FDFT1: variants seen among roughly 807,000 people sequenced by gnomAD.
FDFT1 encodes the protein farnesyl-diphosphate farnesyltransferase 1.
In FDFT1, 68 loss-of-function variants were observed where a neutral mutation model predicts 46.8. The observed-to-expected ratio is 1.45, with a 90% CI of 1.19 to 1.78. The LOEUF is 1.78. FDFT1 is among the 40% of genes most tolerant of loss of function. The pLI is 0.00. For synonymous variants in FDFT1, 351 were observed against 185.1 expected (o/e 1.90, Z -7.28); for missense variants, 928 against 524.4 (o/e 1.77, Z -7.52).
intron 1 of FDFT1, among the ~76,000 whole-genome samples, chr8:11,805,979 A>T (rs754463300): frequency 1.3e-5 from 2 of 152,186 alleles, no homozygotes; most frequent in Admixed American, 1.3e-4. Context: ...GTGGTTATCA[A>T]TCTGATTATG....
Position 11,809,033 on chromosome 8 carries a change from T to A in FDFT1, c.197+142T>A, listed in dbSNP as rs546362799. On this transcript the variant is annotated intron_variant, in intron 2 of 7. Transcript: ENST00000220584. ...ATCCAGAACATAGCCCGGCCCTACGTGTTTACTTTAGAAAGCCCTTCCAGG... is the reference window on the plus strand; with the variant it reads ...ATCCAGAACATAGCCCGGCCCTACGAGTTTACTTTAGAAAGCCCTTCCAGG... 1,661 of 1,374,774 alleles carry A rather than the reference T, an allele frequency of 1.2e-3. 4 individuals are homozygous for A. Among genetic ancestry groups the A allele is most frequent in the South Asian group, 2.1e-3 (149 of 70,290 alleles). 85.2% of individuals were successfully genotyped at this position (1,374,774 alleles called of 1,614,324 possible). A position where few individuals can be genotyped will look rare whatever the true frequency, so the allele number is the denominator to read the frequency against.
chr8:11,802,003 T>A (rs117559475), upstream of FDFT1: 6,576 of 455,944 alleles, frequency 0.014, 229 homozygotes, highest in Admixed American at 0.086. Context: ...AGCCAGTAGT[T>A]TCTAGGGCTG....
intron 4 of FDFT1, among the ~76,000 whole-genome samples, chr8:11,825,020 C>G (rs1159027556): frequency 6.6e-6 from 1 of 151,914 alleles, no homozygotes; most frequent in Non-Finnish European, 1.5e-5. Context: ...CAGGCATGAG[C>G]CATCGTGCCC....
upstream of FDFT1, among the ~76,000 whole-genome samples, chr8:11,801,312 C>A (rs1228298555): frequency 1.3e-5 from 2 of 152,158 alleles, no homozygotes; most frequent in Non-Finnish European, 2.9e-5. Flanking sequence ...AGTGAACGTA[C>A]CTGACAGGTT....
intron 1 of FDFT1, among the ~76,000 whole-genome samples, chr8:11,806,503 G>A (rs1382432911): frequency 6.6e-6 from 1 of 152,100 alleles, no homozygotes; most frequent in Non-Finnish European, 1.5e-5. Context: ...GGCTTGGCTT[G>A]CTCTCTTTCA....
At position 11,821,747 on chromosome 8, in the gene FDFT1, C is replaced by T. The variant is rs534339921; in HGVS notation, c.382-3C>T. On this transcript the variant is annotated splice_region_variant and splice_polypyrimidine_tract_variant and intron_variant, in intron 3 of 7. Transcript: ENST00000220584. ...TTCTGTGTTTTTACGGTTTCCATTT[C>T]AGATCTCCCTTGAGTTTAGAAATCT... 1.1e-5 allele frequency: 17 copies of T among 1,612,766 alleles called. No homozygotes were observed. In the East Asian group the frequency reaches 3.6e-4, roughly 34 times the overall value.
At position 11,826,054 on chromosome 8, in the gene FDFT1, A is replaced by T; in HGVS notation, c.541A>T (p.Ile181Phe). 6.2e-7 allele frequency: 1 copy of T among 1,603,322 alleles called. No homozygotes were observed. Among genetic ancestry groups the T allele is most frequent in the Non-Finnish European group, 8.5e-7 (1 of 1,171,854 alleles). Reference protein sequence around the residue: ...YCHYVAGLVGIGLSRLFSASE... With the variant: ...YCHYVAGLVGFGLSRLFSASE... Reference sequence around the variant, plus strand: ...CCACTATGTTGCTGGGCTGGTCGGAATTGGCCTTTCCCGTCTTTTCTCAGC... The same window carrying T: ...CCACTATGTTGCTGGGCTGGTCGGATTTGGCCTTTCCCGTCTTTTCTCAGC... The change falls in exon 5 of 8, where the codon ATT becomes TTT. Residue 181 changes from isoleucine (I) to phenylalanine (F), a missense_variant. Ile to Phe is a conservative substitution (Grantham distance 21, BLOSUM62 0). Coordinates refer to ENST00000220584, the MANE Select transcript of FDFT1 (RefSeq NM_004462.5).
upstream of FDFT1, among the ~76,000 whole-genome samples, chr8:11,799,875 G>T (rs984985279): frequency 3.3e-5 from 5 of 150,562 alleles, no homozygotes; most frequent in Middle Eastern, 3.5e-3. Flanking sequence ...GAACCTGGGA[G>T]CCAGAGGTTG....
chr8:11,819,884 C>T (rs1808982011), intron 3 of FDFT1, among the ~76,000 whole-genome samples: 1 of 152,042 alleles, frequency 6.6e-6, no homozygotes, highest in Non-Finnish European at 1.5e-5. Flanking sequence ...AGTTTTGTTC[C>T]TTTGCTGGTG....
Position 11,809,798 on chromosome 8 carries a change from G to T in FDFT1, c.329G>T (p.Arg110Leu). ...FHSFLYQPDW[R>L]FMESKEKDRQ... ...TCTTTCCTTTACCAACCAGACTGGC[G>T]GTTCATGGAGAGCAAGGAGAAGGAT... is the stretch of plus-strand genomic sequence containing the variant. The change falls in exon 3 of 8, where the codon CGG becomes CTG. Residue 110 changes from arginine (R) to leucine (L), a missense_variant. Physicochemically the swap from Arg to Leu is moderately radical, Grantham distance 102. Transcript: ENST00000220584. 1 of 1,614,128 alleles carries T rather than the reference G, an allele frequency of 6.2e-7. No homozygotes were observed. Among genetic ancestry groups the T allele is most frequent in the Non-Finnish European group, 8.5e-7 (1 of 1,180,000 alleles).
At chr8:11,837,152 GAGA>G (rs1275838960) in intron 7 of FDFT1, among the ~76,000 whole-genome samples, 2 of 152,288 alleles carry the variant, frequency 1.3e-5, no homozygotes, top group Non-Finnish European at 2.9e-5. Flanking sequence ...GCATTCCAGA[GAGA>G]AGGAGTGGTA....
At chr8:11,796,280 C>G (rs550503027) in intron 1 of FDFT1, among the ~76,000 whole-genome samples, 1 of 152,310 alleles carries the variant, frequency 6.6e-6, no homozygotes, top group Non-Finnish European at 1.5e-5. Flanking sequence ...GTGTTCTGAG[C>G]TTTCTAGGAC....
At position 11,808,901 on chromosome 8, in the gene FDFT1, G is replaced by A. The variant is rs770081845; in HGVS notation, c.197+10G>A. On this transcript the variant is annotated intron_variant, in intron 2 of 7. Coordinates refer to ENST00000220584, the MANE Select transcript of FDFT1 (RefSeq NM_004462.5). ...TGGATGGGGAAATGCGGTGAGTGAT[G>A]GAGGCAGCGCCTCTGGCTTGGAGGA... The A allele has an allele frequency of 1.2e-5, 19 of 1,611,992 alleles. No homozygotes were observed. Among genetic ancestry groups the A allele is most frequent in the Non-Finnish European group, 1.5e-5 (18 of 1,179,184 alleles).
chr8:11,836,234 A>T (rs376858670), intron 7 of FDFT1, among the ~76,000 whole-genome samples: 1 of 152,086 alleles, frequency 6.6e-6, no homozygotes, highest in Non-Finnish European at 1.5e-5. Flanking sequence ...GTGAATGCCT[A>T]TTTTATGGCT....
chr8:11,836,793 T>TG (rs1313382040), intron 7 of FDFT1, among the ~76,000 whole-genome samples: 1 of 152,244 alleles, frequency 6.6e-6, no homozygotes, highest in Non-Finnish European at 1.5e-5. Flanking sequence ...CCCAGCCCTT[T>TG]GGGAGGCCGA....
intron 1 of FDFT1, chr8:11,808,443 TC>T (rs1807187243): frequency 7.9e-7 from 1 of 1,271,014 alleles, no homozygotes; most frequent in Admixed American, 4.1e-5. Context: ...GGCGAGCCCG[TC>T]CCGCCCCTCG....
chr8:11,823,399 G>C (rs1388958628), intron 4 of FDFT1, among the ~76,000 whole-genome samples: 1 of 151,892 alleles, frequency 6.6e-6, no homozygotes, highest in Non-Finnish European at 1.5e-5. Flanking sequence ...TAAATTTCTA[G>C]TAATTCTTTT....
chr8:11,803,087 G>A, intron 1 of FDFT1, 156 bp downstream of exon 1: 3 of 1,441,068 alleles, frequency 2.1e-6, no homozygotes, highest in Non-Finnish European at 2.7e-6. Flanking sequence ...CCTTCCCCCT[G>A]TAGGGCCCGG....
chr8:11,802,750 A>G lies in FDFT1; in HGVS notation c.-83A>G. 3 of 1,069,176 alleles carry G rather than the reference A, an allele frequency of 2.8e-6. No homozygotes were observed. The highest frequency in any genetic ancestry group is 1.4e-5 in the South Asian group (1 of 74,072). The allele number at this position is 1,069,176 out of a possible 1,614,324, so 66.2% of individuals were successfully genotyped here. On this transcript the variant is annotated 5_prime_UTR_variant, in exon 1 of 8. Transcript: ENST00000220584. The stretch of plus-strand genomic sequence containing the variant: ...GTCCGGCCAGCCCCTCGAAGCACCT[A>G]CTCCACAGGTCCAGCCGGCCGGTGA...
Sources: gnomAD v4.1 joint callset for allele counts (sites outside exome capture counted in the v4.1 genomes callset) on GRCh38, gnomAD v4.1.1 for gene constraint, MANE v1.5 for transcripts, NCBI Gene and HGNC (gene_info 2026-07-23, HGNC 2026-07-21) for gene names.